Variants in CCDC178 observed in about 807,000 individuals in gnomAD.
CCDC178 encodes coiled-coil domain-containing protein 178.
In CCDC178, 126 loss-of-function variants were observed where a neutral mutation model predicts 117.4. The ratio of observed to expected loss-of-function variants is 1.07; its 90% CI spans 0.93 to 1.24. The LOEUF is 1.24. CCDC178 is among the 50% of genes most tolerant of loss of function. The pLI is 0.00. For missense variants in CCDC178, 1,030 were observed against 986.9 expected, an observed-to-expected ratio of 1.04 and a Z score of -0.59; for synonymous variants, 283 against 313.4, an observed-to-expected ratio of 0.90 and a Z score of 1.02.
chr18:33,022,369 T>C (rs1443969471), intron 21 of CCDC178, among the ~76,000 whole-genome samples: 1 of 152,176 alleles, frequency 6.6e-6, no homozygotes, highest in Non-Finnish European at 1.5e-5. Flanking sequence ...CCTCTTGAGT[T>C]TTCTAAATTA....
intron 2 of CCDC178, among the ~76,000 whole-genome samples, chr18:33,426,847 A>G (rs2064131781): frequency 6.6e-6 from 1 of 152,160 alleles, no homozygotes; most frequent in Non-Finnish European, 1.5e-5. Flanking sequence ...ATTGTATTAT[A>G]ATAAAATGAG....
chr18:33,437,500 T>G (rs1049290560), intron 2 of CCDC178: 2 of 152,152 alleles, frequency 1.3e-5, no homozygotes, highest in African/African-American at 4.8e-5. Context: ...GATCTAAGGG[T>G]AGGTTGAATC....
chr18:32,954,082 C>T (rs568216229), intron 22 of CCDC178: 2 of 152,170 alleles, frequency 1.3e-5, no homozygotes, highest in South Asian at 4.1e-4. Flanking sequence ...TGCACTGACT[C>T]TTGGGTATGT....
At chr18:33,041,030 T>C (rs2056540657) in intron 21 of CCDC178, among the ~76,000 whole-genome samples, 1 of 151,944 alleles carries the variant, frequency 6.6e-6, no homozygotes, top group Non-Finnish European at 1.5e-5. Flanking sequence ...AAGGAGAAAG[T>C]ACAATAATAA....
chr18:33,339,617 A>G (rs2062788201), intron 9 of CCDC178, among the ~76,000 whole-genome samples: 1 of 152,030 alleles, frequency 6.6e-6, no homozygotes, highest in Admixed American at 6.6e-5. Context: ...TGTATCTCCC[A>G]GAATTCCCAC....
At chr18:33,306,464 A>G (rs1385991214) in intron 11 of CCDC178, among the ~76,000 whole-genome samples, 20 of 113,664 alleles carry the variant, frequency 1.8e-4, no homozygotes, top group African/African-American at 5.6e-4. Flanking sequence ...ATGGTTATAT[A>G]TATATATGGT....
At chr18:33,264,155 T>A (rs1044336110) in intron 14 of CCDC178, among the ~76,000 whole-genome samples, 5 of 152,112 alleles carry the variant, frequency 3.3e-5, no homozygotes, top group African/African-American at 4.8e-5. Context: ...AAAAATTACA[T>A]TTGCATACAT....
At chr18:33,039,293 A>T (rs1222594463) in intron 21 of CCDC178, among the ~76,000 whole-genome samples, 1 of 152,076 alleles carries the variant, frequency 6.6e-6, no homozygotes, top group Non-Finnish European at 1.5e-5. Flanking sequence ...ATGAGAGGAC[A>T]ATAAAAACCA....
intron 21 of CCDC178, among the ~76,000 whole-genome samples, chr18:32,985,562 A>G (rs1263556334): frequency 6.6e-6 from 1 of 152,026 alleles, no homozygotes; most frequent in Admixed American, 6.6e-5. Flanking sequence ...GCACTGGTAT[A>G]TATAATTAAA....
intron 21 of CCDC178, among the ~76,000 whole-genome samples, chr18:33,091,324 C>CTTTTTTCTTTTTTTT (rs2057459821): frequency 2.3e-5 from 1 of 43,880 alleles, no homozygotes; most frequent in Admixed American, 4.5e-4. Context: ...TTATTTCATT[C>CTTTTTTCTTTTTTTT]TTTTTTTTTT....
At chr18:33,267,891 ATAATAATCGGTCTT>A (rs1158868688) in intron 12 of CCDC178, among the ~76,000 whole-genome samples, 1 of 151,580 alleles carries the variant, frequency 6.6e-6, no homozygotes, top group Non-Finnish European at 1.5e-5. Context: ...ATCTATAAGA[ATAATAATCGGTCTT>A]TAAAATACAG....
chr18:33,087,896 G>A (rs768489197), intron 21 of CCDC178, among the ~76,000 whole-genome samples: 1 of 152,048 alleles, frequency 6.6e-6, no homozygotes, highest in Admixed American at 6.6e-5. Flanking sequence ...TAAGCACATC[G>A]ATACAAAGTG....
chr18:33,241,327 C>CACTAGG (rs1233292369), intron 15 of CCDC178, among the ~76,000 whole-genome samples: 5 of 151,450 alleles, frequency 3.3e-5, no homozygotes, highest in Non-Finnish European at 5.9e-5. Flanking sequence ...TTCAATATAC[C>CACTAGG]ACTAGAAGTC....
chr18:33,051,478 T>C (rs1437167255), intron 21 of CCDC178, among the ~76,000 whole-genome samples: 1 of 152,236 alleles, frequency 6.6e-6, no homozygotes, highest in African/African-American at 2.4e-5. Flanking sequence ...TAAATACAAG[T>C]GGACTTGAAT....
intron 7 of CCDC178, among the ~76,000 whole-genome samples, chr18:33,356,097 A>G (rs958795437): frequency 3.3e-5 from 5 of 152,118 alleles, no homozygotes; most frequent in African/African-American, 1.2e-4. Flanking sequence ...ATGTTTTTGC[A>G]AATTTTATAG....
At position 33,300,264 on chromosome 18, in the gene CCDC178, T is replaced by C. The variant is rs148761635; in HGVS notation, c.1023-6952A>G. ...AGCAAATGTTGCTGCCATGCTTCTA[T>C]AGCCTGCAGAACTGTGAGCCAATTA... On this transcript the variant is annotated intron_variant, in intron 11 of 22. Transcript: ENST00000383096. 7.4e-4 allele frequency among the ~76,000 whole-genome samples: 113 copies of C among 152,316 alleles called. No homozygotes were observed. The East Asian group carries it at 0.02, about 28-fold the overall frequency.
chr18:32,965,825 T>G (rs2054800308), intron 22 of CCDC178, among the ~76,000 whole-genome samples: 1 of 151,068 alleles, frequency 6.6e-6, no homozygotes, highest in African/African-American at 2.4e-5. Flanking sequence ...TTAATTTTTT[T>G]GTACTTCTGA....
intron 20 of CCDC178, among the ~76,000 whole-genome samples, chr18:33,184,520 C>T (rs2058767351): frequency 6.6e-6 from 1 of 151,936 alleles, no homozygotes; most frequent in African/African-American, 2.4e-5. Context: ...CTGCCATCAA[C>T]CAAACAGATA....
intron 12 of CCDC178, among the ~76,000 whole-genome samples, chr18:33,289,794 A>G (rs2060145240): frequency 6.6e-6 from 1 of 152,222 alleles, no homozygotes; most frequent in Non-Finnish European, 1.5e-5. Flanking sequence ...TTAGTAAATA[A>G]GATATGCATA....
Sources: gnomAD v4.1 joint callset for allele counts (sites outside exome capture counted in the v4.1 genomes callset) on GRCh38, gnomAD v4.1.1 for gene constraint, MANE v1.5 for transcripts, NCBI Gene and HGNC (gene_info 2026-07-23, HGNC 2026-07-21) for gene names.